FGF12: variants seen among roughly 807,000 people sequenced by gnomAD.
FGF12 encodes fibroblast growth factor 12.
Under a neutral mutation model 23.6 loss-of-function variants are expected in FGF12, and 14 were observed. That is an observed-to-expected ratio of 0.59 (90% CI 0.39 to 0.93). The LOEUF (loss-of-function observed/expected upper bound fraction) is 0.93. Ranked by LOEUF, FGF12 falls within the 40% of genes least tolerant of loss-of-function variation. FGF12 has a pLI of 0.00. For synonymous variants in FGF12, 62 were observed against 77.3 expected (o/e 0.80, Z 1.04); for missense variants, 175 against 217.8 (o/e 0.80, Z 1.24).
At position 192,386,860 on chromosome 3, in the gene FGF12, C is replaced by G. The variant is rs1388772351; in HGVS notation, c.14-26322G>C. Among the ~76,000 whole-genome samples the G allele has an allele frequency of 2.6e-5, 4 of 152,232 alleles. No homozygotes were observed. The East Asian group carries it at 7.7e-4, about 29-fold the overall frequency. On this transcript the variant is annotated intron_variant, in intron 2 of 5. Coordinates refer to ENST00000445105, the MANE Select transcript of FGF12 (RefSeq NM_004113.6). Reference sequence around the variant, plus strand: ...AAAAGCTGGGGAGGCAAAAAAGAAACTAAAATTCATTGAACACTTACAATG... The same window carrying G: ...AAAAGCTGGGGAGGCAAAAAAGAAAGTAAAATTCATTGAACACTTACAATG...
At chr3:192,165,517 A>AT (rs72495238) in intron 5 of FGF12, among the ~76,000 whole-genome samples, 34 of 145,806 alleles carry the variant, frequency 2.3e-4, no homozygotes, top group African/African-American at 5.3e-4. Flanking sequence ...ATCTGGTCCA[A>AT]TTTTTTTTTT....
intron 4 of FGF12, among the ~76,000 whole-genome samples, chr3:192,270,864 G>A (rs1227835439): frequency 6.6e-6 from 1 of 152,012 alleles, no homozygotes; most frequent in African/African-American, 2.4e-5. Flanking sequence ...TAATTCAATG[G>A]GAAGAAAATA....
rs137891472 is a variant in FGF12 at position 192,630,141 on chromosome 3, C to T, written c.13+97040G>A. 4.3e-4 allele frequency among the ~76,000 whole-genome samples: 66 copies of T among 152,206 alleles called. 1 individual carries two copies. The East Asian group carries it at 8.5e-3, about 20-fold the overall frequency. On this transcript the variant is annotated intron_variant, in intron 2 of 5. Coordinates refer to ENST00000445105, the MANE Select transcript of FGF12 (RefSeq NM_004113.6). ...TAAAAGTGTGGGGTACCTCCCTGCC[C>T]GCCTCTCTTGCTCCTGCTCTGGCCA...
In FGF12 at chr3:192,727,499, G is replaced by T. The variant is rs1323118670; in HGVS notation, c.-146C>A. ...TTTTTTTTACCTGGGTCTGGAAGCT[G>T]CAGGCAGGAGCTGTCCTCCGAGCGT... On this transcript the variant is annotated 5_prime_UTR_variant, in exon 1 of 6. Coordinates refer to ENST00000445105, the MANE Select transcript of FGF12 (RefSeq NM_004113.6). The T allele has an allele frequency of 3.4e-6, 2 of 585,402 alleles. No homozygotes were observed. The highest frequency in any genetic ancestry group is 5.7e-6 in the Non-Finnish European group (2 of 348,782). 36.3% of individuals were successfully genotyped at this position (585,402 alleles called of 1,614,324 possible).
chr3:192,467,474 T>C (rs1259653789), intron 2 of FGF12, among the ~76,000 whole-genome samples: 2 of 149,026 alleles, frequency 1.3e-5, no homozygotes, highest in Non-Finnish European at 2.9e-5. Context: ...TTAGCCAGAC[T>C]GTGCGCCGAA....
At chr3:192,288,905 A>T (rs1488562186) in intron 4 of FGF12, among the ~76,000 whole-genome samples, 1 of 152,220 alleles carries the variant, frequency 6.6e-6, no homozygotes, top group Admixed American at 6.6e-5. Context: ...TCTCATGTGC[A>T]CCATGCCTTT....
intron 2 of FGF12, among the ~76,000 whole-genome samples, chr3:192,723,298 T>C (rs1302367726): frequency 6.6e-6 from 1 of 152,108 alleles, no homozygotes; most frequent in Non-Finnish European, 1.5e-5. Flanking sequence ...ATTTTTGTTG[T>C]ATCCAAAAAC....
At chr3:192,475,878 T>A (rs11918521) in intron 2 of FGF12, among the ~76,000 whole-genome samples, 3,604 of 152,110 alleles carry the variant, frequency 0.024, 124 homozygotes, top group African/African-American at 0.081. Context: ...ATAGATCAGA[T>A]AGATGATAGA....
At chr3:192,238,152 C>T (rs1235709967) in intron 4 of FGF12, 2 of 152,538 alleles carry the variant, frequency 1.3e-5, no homozygotes, top group African/African-American at 4.8e-5. Flanking sequence ...GGGGATTAGT[C>T]CTGTGGCTTT....
At chr3:192,244,278 T>C (rs1339588292) in intron 4 of FGF12, among the ~76,000 whole-genome samples, 2 of 152,064 alleles carry the variant, frequency 1.3e-5, no homozygotes, top group Non-Finnish European at 2.9e-5. Context: ...AATAGCAAAA[T>C]ATTGAGGCAA....
chr3:192,232,322 G>C (rs1181683149), intron 4 of FGF12, among the ~76,000 whole-genome samples: 2 of 151,896 alleles, frequency 1.3e-5, no homozygotes, highest in African/African-American at 4.8e-5. Flanking sequence ...TGCTCTCTAG[G>C]AGCCACGTCA....
chr3:192,265,885 C>G (rs1713047347), intron 4 of FGF12, among the ~76,000 whole-genome samples: 2 of 152,260 alleles, frequency 1.3e-5, no homozygotes, highest in East Asian at 3.9e-4. Flanking sequence ...GGCAGTGACT[C>G]TGTTACTTGC....
chr3:192,697,982 C>T (rs980663667), intron 2 of FGF12, among the ~76,000 whole-genome samples: 7 of 150,720 alleles, frequency 4.6e-5, no homozygotes, highest in African/African-American at 1.7e-4. Context: ...CCCCTGTCCC[C>T]TTGCCTGATC....
At chr3:192,489,363 C>G (rs113680250) in intron 2 of FGF12, among the ~76,000 whole-genome samples, 2 of 152,066 alleles carry the variant, frequency 1.3e-5, no homozygotes, top group African/African-American at 4.8e-5. Context: ...ACCCATGCCC[C>G]TAATTCATTC....
At chr3:192,425,984 C>A (rs951260320) in intron 2 of FGF12, among the ~76,000 whole-genome samples, 1 of 152,204 alleles carries the variant, frequency 6.6e-6, no homozygotes, top group Non-Finnish European at 1.5e-5. Flanking sequence ...TCCAAGAGAT[C>A]AAGTTCATAG....
At chr3:192,434,595 T>C (rs942352183) in intron 2 of FGF12, among the ~76,000 whole-genome samples, 4 of 152,108 alleles carry the variant, frequency 2.6e-5, no homozygotes, top group African/African-American at 9.7e-5. Context: ...AGGAAAGAAG[T>C]GTTCTGTGAT....
intron 2 of FGF12, among the ~76,000 whole-genome samples, chr3:192,449,439 A>G (rs754178551): frequency 4.6e-5 from 7 of 152,024 alleles, no homozygotes; most frequent in Non-Finnish European, 7.4e-5. Context: ...GGATCTCCCA[A>G]TGTGGACACC....
At chr3:192,516,089 T>A (rs1207741434) in intron 2 of FGF12, among the ~76,000 whole-genome samples, 1 of 152,012 alleles carries the variant, frequency 6.6e-6, no homozygotes, top group Non-Finnish European at 1.5e-5. Flanking sequence ...AATTTTCTCA[T>A]CTTTAAAAGA....
intron 4 of FGF12, among the ~76,000 whole-genome samples, chr3:192,183,536 C>T (rs922616147): frequency 2.6e-5 from 4 of 152,146 alleles, no homozygotes; most frequent in Non-Finnish European, 4.4e-5. Context: ...GACAGAGAGG[C>T]CTGGTTCACT....
Sources: gnomAD v4.1 joint callset for allele counts (sites outside exome capture counted in the v4.1 genomes callset) on GRCh38, gnomAD v4.1.1 for gene constraint, MANE v1.5 for transcripts, NCBI Gene and HGNC (gene_info 2026-07-23, HGNC 2026-07-21) for gene names.